Variants in RYR3 observed in about 807,000 individuals in gnomAD.
The protein encoded by RYR3 is ryanodine receptor 3.
RYR3 carries 207 observed loss-of-function variants against 584.3 expected under a neutral mutation model. That is an observed-to-expected ratio of 0.35 (90% CI 0.32 to 0.40). The LOEUF (loss-of-function observed/expected upper bound fraction) is 0.40, where lower values mean the gene tolerates loss of function less well. Among genes scored for constraint, RYR3 ranks in the 10% least tolerant of loss-of-function variants. The pLI is 1.00. For missense variants in RYR3, 5,616 were observed against 6,089.2 expected, an observed-to-expected ratio of 0.92 and a Z score of 2.59; for synonymous variants, 2,416 against 2,248.5, an observed-to-expected ratio of 1.07 and a Z score of -2.11.
chr15:33,654,240 A>G (rs535743256), intron 32 of RYR3, among the ~76,000 whole-genome samples: 11 of 152,240 alleles, frequency 7.2e-5, no homozygotes, highest in African/African-American at 2.6e-4. Flanking sequence ...CGGGCCAGGC[A>G]TGGAGGCTCA....
At chr15:33,765,029 T>C (rs1308208816) in intron 60 of RYR3, among the ~76,000 whole-genome samples, 8 of 5,360 alleles carry the variant, frequency 1.5e-3, no homozygotes, top group African/African-American at 5.3e-3. Context: ...AGACTTCGTC[T>C]CAAAAAAAAA....
At chr15:33,828,103 A>G (rs2077473244) in intron 85 of RYR3, among the ~76,000 whole-genome samples, 4 of 152,140 alleles carry the variant, frequency 2.6e-5, no homozygotes, top group Non-Finnish European at 5.9e-5. Flanking sequence ...TTTCACTATT[A>G]TATCTATTAT....
chr15:33,489,246 G>T (rs938736325), intron 2 of RYR3, among the ~76,000 whole-genome samples: 2 of 152,088 alleles, frequency 1.3e-5, no homozygotes, highest in Admixed American at 6.6e-5. Flanking sequence ...TACACTTGAA[G>T]GTTTGTTACA....
intron 32 of RYR3, among the ~76,000 whole-genome samples, chr15:33,658,123 C>T (rs1382103077): frequency 6.6e-6 from 1 of 152,198 alleles, no homozygotes; most frequent in Non-Finnish European, 1.5e-5. Flanking sequence ...AGGAGTCTGG[C>T]CACAGTGTAG....
rs1383630958 is a variant in RYR3, at chr15:33,857,468, C to G, written c.14008-312C>G. 5.9e-5 allele frequency among the ~76,000 whole-genome samples: 9 copies of G among 152,250 alleles called. No individual in the cohort carries two copies. The South Asian group carries it at 1.5e-3, about 25-fold the overall frequency. ...ACCTCTTTGAAGGCTGTATCTCCAT[C>G]TCCAAATACAGTCACATTCTGAGGT... On this transcript the variant is annotated intron_variant, in intron 98 of 103. Coordinates refer to ENST00000634891, the MANE Select transcript of RYR3 (RefSeq NM_001036.6).
At chr15:33,863,883 A>G (rs1889448049) in intron 102 of RYR3, among the ~76,000 whole-genome samples, 1 of 152,168 alleles carries the variant, frequency 6.6e-6, no homozygotes, top group Admixed American at 6.5e-5. Flanking sequence ...GCTACCTTGC[A>G]AGTGATCTTA....
intron 11 of RYR3, among the ~76,000 whole-genome samples, chr15:33,563,875 G>A (rs2057550854): frequency 6.6e-6 from 1 of 152,146 alleles, no homozygotes; most frequent in African/African-American, 2.4e-5. Flanking sequence ...AAATGATCAA[G>A]AGGGGATAGA....
At position 33,724,234 on chromosome 15, in the gene RYR3, G is replaced by A. The variant is rs557070747; in HGVS notation, c.6912+58G>A. ...AGAAACCTATGCCAAGAACACTATA[G>A]ATTTCCTGAACCTCATTTCTTCCTC... On this transcript the variant is annotated intron_variant, in intron 45 of 103. Transcript: ENST00000634891. 3.2e-6 allele frequency: 3 copies of A among 932,390 alleles called. No homozygotes were observed. In the South Asian group the frequency reaches 4.5e-5, roughly 14 times the overall value. The allele number at this position is 932,390 out of a possible 1,614,324, so 57.8% of individuals were successfully genotyped here.
At chr15:33,368,420 G>A (rs1975819303) in intron 1 of RYR3, among the ~76,000 whole-genome samples, 1 of 137,886 alleles carries the variant, frequency 7.3e-6, no homozygotes, top group Non-Finnish European at 1.5e-5. Context: ...TCTTCTCTTA[G>A]AGTCAGCAGG....
chr15:33,385,478 A>G (rs187074080), intron 1 of RYR3, among the ~76,000 whole-genome samples: 7 of 152,310 alleles, frequency 4.6e-5, no homozygotes, highest in Admixed American at 2.6e-4. Flanking sequence ...TACTGCTTTT[A>G]TCTATAGAGT....
At chr15:33,805,144 C>CT (rs940556537) in intron 69 of RYR3, among the ~76,000 whole-genome samples, 3 of 152,122 alleles carry the variant, frequency 2.0e-5, no homozygotes, top group Non-Finnish European at 4.4e-5. Flanking sequence ...TGTTTTGAAA[C>CT]TTTTTTTGTT....
intron 42 of RYR3, among the ~76,000 whole-genome samples, chr15:33,704,078 T>G (rs2066497351): frequency 6.6e-6 from 1 of 152,116 alleles, no homozygotes; most frequent in Non-Finnish European, 1.5e-5. Context: ...AAGACCAGTC[T>G]GGCCAACATA....
At chr15:33,733,496 G>A (rs1485634784) in intron 48 of RYR3, among the ~76,000 whole-genome samples, 2 of 152,174 alleles carry the variant, frequency 1.3e-5, no homozygotes, top group Non-Finnish European at 2.9e-5. Context: ...AAGCTAATCC[G>A]AAAAGGCTAC....
At chr15:33,840,010 TC>T (rs1357685222) in intron 89 of RYR3, among the ~76,000 whole-genome samples, 5 of 152,344 alleles carry the variant, frequency 3.3e-5, no homozygotes, top group African/African-American at 1.2e-4. Context: ...ATTTTTGCTC[TC>T]ATGGATCTTA....
Position 33,521,521 on chromosome 15 carries a change from C to T in RYR3, c.280-9071C>T, listed in dbSNP as rs185448665. Among the ~76,000 whole-genome samples, 7 of 152,144 alleles carry T rather than the reference C, an allele frequency of 4.6e-5. No homozygotes were observed. In the East Asian group the frequency reaches 9.7e-4, roughly 21 times the overall value. ...GGTAAATTTGACATTCAGTAGTGGG[C>T]GGAGGGGGATGGATTGTTTGATTTT... On this transcript the variant is annotated intron_variant, in intron 3 of 103. Coordinates refer to ENST00000634891, the MANE Select transcript of RYR3 (RefSeq NM_001036.6).
chr15:33,587,062 G>A (rs1014291716), intron 16 of RYR3, among the ~76,000 whole-genome samples: 1 of 152,146 alleles, frequency 6.6e-6, no homozygotes, highest in African/African-American at 2.4e-5. Flanking sequence ...GTGTCCGGGA[G>A]ATTGAGACTC....
intron 46 of RYR3, among the ~76,000 whole-genome samples, chr15:33,727,319 T>A (rs994265480): frequency 6.6e-6 from 1 of 152,226 alleles, no homozygotes; most frequent in South Asian, 2.1e-4. Context: ...AATGGAAGAA[T>A]TGAAAACATA....
intron 67 of RYR3, among the ~76,000 whole-genome samples, chr15:33,792,521 C>G (rs1286133268): frequency 6.6e-6 from 1 of 152,160 alleles, no homozygotes; most frequent in Non-Finnish European, 1.5e-5. Context: ...TCCCAGTTCA[C>G]CATCATCGCT....
intron 3 of RYR3, among the ~76,000 whole-genome samples, chr15:33,512,003 C>T (rs563803005): frequency 6.6e-6 from 1 of 152,280 alleles, no homozygotes; most frequent in African/African-American, 2.4e-5. Flanking sequence ...TGGTCTTGAT[C>T]TCCTGACCTC....
Sources: gnomAD v4.1 joint callset for allele counts (sites outside exome capture counted in the v4.1 genomes callset) on GRCh38, gnomAD v4.1.1 for gene constraint, MANE v1.5 for transcripts, NCBI Gene and HGNC (gene_info 2026-07-23, HGNC 2026-07-21) for gene names.